The following PRR33 variants were observed in gnomAD, a reference collection of about 807,000 sequenced individuals.
The protein encoded by PRR33 is proline-rich protein 33.
In PRR33, 1 loss-of-function variant was observed where a neutral mutation model predicts 0.5. The observed-to-expected ratio is 2.18, with a 90% CI of 0.77 to 10.34. The LOEUF is 10.34. Ranked by LOEUF, PRR33 falls within the 30% of genes most tolerant of loss-of-function variation. PRR33 has a pLI of 0.13. For missense variants in PRR33, 552 were observed against 251.8 expected (o/e 2.19, Z -8.07); for synonymous variants, 226 against 110.0 (o/e 2.06, Z -6.60).
chr11:1,905,082 AT>A, the PRR33 span, among the ~76,000 whole-genome samples: 1 of 114,106 alleles, frequency 8.8e-6, no homozygotes, highest in Non-Finnish European at 1.8e-5. Flanking sequence ...TTCTTTTTCT[AT>A]TTTCCTTAAG....
At chr11:1,894,051 T>A (rs146517638), upstream of PRR33, among the ~76,000 whole-genome samples, 3 of 216 alleles carry the variant, frequency 0.014, no homozygotes, top group African/African-American at 0.017. Context: ...ATGGCTGGAG[T>A]GTGGGAGTGT....
the PRR33 span, among the ~76,000 whole-genome samples, chr11:1,904,827 C>T: frequency 6.6e-6 from 1 of 151,364 alleles, no homozygotes; most frequent in African/African-American, 2.4e-5. Flanking sequence ...CTTTTAATCT[C>T]TGCAGAACCT....
chr11:1,903,070 C>T, the PRR33 span: 2 of 152,116 alleles, frequency 1.3e-5, no homozygotes, highest in Admixed American at 6.6e-5. Context: ...GTTTTTATGA[C>T]CTGTATCTTG....
chr11:1,892,546 GACTTCGCACCC>G (rs1221046246), upstream of PRR33, among the ~76,000 whole-genome samples: 2 of 152,244 alleles, frequency 1.3e-5, no homozygotes, highest in Non-Finnish European at 2.9e-5. Flanking sequence ...TCTGTGCCTT[GACTTCGCACCC>G]ACTGAGGGCA....
exon 1 of PRR33, chr11:1,889,392 G>C (rs1437203815): frequency 5.7e-6 from 4 of 696,490 alleles, no homozygotes; most frequent in Non-Finnish European, 1.1e-5. Context: ...CCACATCCTG[G>C]AGGTCCGGGA....
chr11:1,894,580 C>A (rs1289251785), upstream of PRR33, among the ~76,000 whole-genome samples: 6 of 152,094 alleles, frequency 3.9e-5, no homozygotes, highest in South Asian at 1.2e-3. Context: ...TCCTGCAGCA[C>A]GCACGCACTC....
rs565404860 is a variant in PRR33 at position 1,889,967 on chromosome 11, G to A, written c.618C>T (p.Asn206=). 5 of 632,788 alleles carry A rather than the reference G, an allele frequency of 7.9e-6. No homozygotes were observed. In the East Asian group the frequency reaches 1.4e-4, roughly 17 times the overall value. 39.2% of individuals were successfully genotyped at this position (632,788 alleles called of 1,614,324 possible). The change falls in exon 1 of 1, where the codon AAC becomes AAT. Residue 206 remains asparagine, a synonymous_variant. Coordinates refer to ENST00000640310, the Ensembl canonical transcript of PRR33. Reference sequence around the variant, plus strand: ...TTGGGGTGGCATCTCCATCCTGGCTGTTGGATCCCACTTCTGGGGCTGTCC... The same window carrying A: ...TTGGGGTGGCATCTCCATCCTGGCTATTGGATCCCACTTCTGGGGCTGTCC...
chr11:1,904,488 C>T, the PRR33 span, among the ~76,000 whole-genome samples: 1 of 151,656 alleles, frequency 6.6e-6, no homozygotes. Flanking sequence ...GAGGTGGCAC[C>T]ACTGCACTCC....
exon 1 of PRR33, chr11:1,889,196 G>C (rs905189546): frequency 1.2e-5 from 8 of 674,460 alleles, no homozygotes; most frequent in East Asian, 2.8e-5. Flanking sequence ...TGGGCTGGGG[G>C]CTCAGCTCCA....
chr11:1,914,880 T>TGTGTG, the PRR33 span, among the ~76,000 whole-genome samples: 1 of 128,736 alleles, frequency 7.8e-6, no homozygotes, highest in Non-Finnish European at 1.7e-5. Flanking sequence ...TGTGTGTGTG[T>TGTGTG]TGTGAGGTCA....
chr11:1,901,954 C>T, the PRR33 span, among the ~76,000 whole-genome samples: 16 of 152,226 alleles, frequency 1.1e-4, no homozygotes, highest in South Asian at 2.1e-4. Context: ...CAATTATGGC[C>T]GGGCGCGGTG....
At chr11:1,889,133 A>G in exon 1 of PRR33, 3 of 637,152 alleles carry the variant, frequency 4.7e-6, no homozygotes, top group South Asian at 1.8e-5. Context: ...TCTGGGGGCC[A>G]TTCTGGCCAC....
At chr11:1,894,304 G>T (rs903607556), upstream of PRR33, among the ~76,000 whole-genome samples, 2 of 151,944 alleles carry the variant, frequency 1.3e-5, no homozygotes, top group Non-Finnish European at 2.9e-5. Flanking sequence ...CACAATGAGA[G>T]CTCCTTGCAG....
At chr11:1,904,299 C>T in the PRR33 span, among the ~76,000 whole-genome samples, 9 of 152,134 alleles carry the variant, frequency 5.9e-5, no homozygotes, top group African/African-American at 2.2e-4. Flanking sequence ...GAGGCCGAGG[C>T]GGGTGGATTG....
the PRR33 span, among the ~76,000 whole-genome samples, chr11:1,897,107 C>T: frequency 6.6e-6 from 1 of 152,130 alleles, no homozygotes; most frequent in African/African-American, 2.4e-5. The surrounding 1 kb of genome is among the most constrained non-coding windows in gnomAD (Gnocchi z 4.0). Flanking sequence ...TATCTGAACA[C>T]GGTTGGAATG....
At chr11:1,898,584 A>G in the PRR33 span, among the ~76,000 whole-genome samples, 2 of 152,210 alleles carry the variant, frequency 1.3e-5, no homozygotes, top group African/African-American at 4.8e-5. Flanking sequence ...CCATGGAAAA[A>G]GAGGCCTCAC....
At chr11:1,889,563 C>T in the PRR33 span, 2 of 613,172 alleles carry the variant, frequency 3.3e-6, no homozygotes, top group Non-Finnish European at 6.0e-6. Context: ...GAGCCACGTC[C>T]AGCCACTGAG....
At chr11:1,901,303 A>G in the PRR33 span, among the ~76,000 whole-genome samples, 260 of 152,056 alleles carry the variant, frequency 1.7e-3, 1 homozygote, top group African/African-American at 6.1e-3. Flanking sequence ...CAAGAGCAAA[A>G]CACCACCTCT....
chr11:1,905,989 AT>A, the PRR33 span, among the ~76,000 whole-genome samples: 782 of 129,468 alleles, frequency 6.0e-3, no homozygotes, highest in Admixed American at 8.8e-3. Flanking sequence ...CAGCTAAAGT[AT>A]TTTTTTTTTT....
Sources: allele counts gnomAD v4.1 joint callset (sites outside exome capture counted in the v4.1 genomes callset), GRCh38; gene constraint gnomAD v4.1.1; non-coding constraint Gnocchi (gnomAD v3.1); transcripts MANE v1.5; gene names NCBI Gene and HGNC (gene_info 2026-07-23, HGNC 2026-07-21).